Variants in ATP8A1 observed in about 807,000 individuals in gnomAD.
The protein encoded by ATP8A1 is phospholipid-transporting ATPase IA.
In ATP8A1, 90 loss-of-function variants were observed where a neutral mutation model predicts 177.7. That is an observed-to-expected ratio of 0.51 (90% confidence interval 0.43 to 0.60). ATP8A1 has a LOEUF of 0.60. Ranked by LOEUF, ATP8A1 falls within the 20% of genes least tolerant of loss-of-function variation. The probability of loss-of-function intolerance (pLI) is 0.00; values close to 1 mark genes in which losing one functional copy is unlikely to be tolerated. For synonymous variants in ATP8A1, 493 were observed against 485.9 expected (o/e 1.01, Z -0.19); for missense variants, 1,072 against 1,392.8 (o/e 0.77, Z 3.67).
chr4:42,477,043 G>A (rs1454748019), intron 25 of ATP8A1, among the ~76,000 whole-genome samples: 1 of 152,152 alleles, frequency 6.6e-6, no homozygotes, highest in Non-Finnish European at 1.5e-5. Context: ...ATATTTGTGT[G>A]TATATTTACT....
At chr4:42,453,739 C>T (rs1305744741) in intron 29 of ATP8A1, among the ~76,000 whole-genome samples, 1 of 152,238 alleles carries the variant, frequency 6.6e-6, no homozygotes, top group South Asian at 2.1e-4. Context: ...AGAGACAGTA[C>T]CATGGAGCCC....
intron 19 of ATP8A1, among the ~76,000 whole-genome samples, chr4:42,544,890 G>A (rs1454138528): frequency 2.0e-5 from 3 of 152,092 alleles, no homozygotes; most frequent in Admixed American, 6.5e-5. Context: ...GGCCTGGCAC[G>A]GTGGCTCATG....
chr4:42,585,410 CAT>C (rs1733516462), intron 9 of ATP8A1, among the ~76,000 whole-genome samples: 1 of 150,858 alleles, frequency 6.6e-6, no homozygotes, highest in Non-Finnish European at 1.5e-5. Flanking sequence ...CCAAAATTCA[CAT>C]GTTGAAACTG....
chr4:42,443,580 AG>A lies in ATP8A1; in HGVS notation c.3107del (p.Pro1036LeufsTer68). On this transcript the variant is annotated frameshift_variant, in exon 33 of 37. Transcript: ENST00000381668. LOFTEE classifies it high-confidence loss of function. ...SSLWPAIPMA[P>X]DMSGEAAMLF... ...CGCACATTACCTCTCCTGACATATC[AG>A]GGGCCATCGGAATGGCAGGCCACAG... 3 of 1,370,772 alleles carry A rather than the reference AG, an allele frequency of 2.2e-6. No homozygotes were observed. The highest frequency in any genetic ancestry group is 3.1e-6 in the Non-Finnish European group (3 of 957,714). 84.9% of individuals were successfully genotyped at this position (1,370,772 alleles called of 1,614,324 possible).
intron 1 of ATP8A1, among the ~76,000 whole-genome samples, chr4:42,649,285 T>TGAGAA (rs757947434): frequency 3.9e-5 from 6 of 152,258 alleles, no homozygotes; most frequent in Middle Eastern, 3.4e-3. Context: ...GCACTAAGGA[T>TGAGAA]ATAACTAGTG....
Position 42,549,189 on chromosome 4 carries a change from T to C in ATP8A1, c.1603-127A>G. The C allele has an allele frequency of 1.1e-5, 8 of 698,692 alleles. 1 individual carries two copies. The highest frequency in any genetic ancestry group is 1.7e-5 in the Non-Finnish European group (7 of 412,214). The allele number at this position is 698,692 out of a possible 1,614,324, so 43.3% of individuals were successfully genotyped here. On this transcript the variant is annotated intron_variant, in intron 18 of 36. Transcript: ENST00000381668. ...CAAACAAATTTTCCCTGCTGAAATA[T>C]GGAAGGGAGCTTACTAACTTTTACG...
At chr4:42,591,795 C>A (rs771188444) in intron 6 of ATP8A1, among the ~76,000 whole-genome samples, 1 of 152,026 alleles carries the variant, frequency 6.6e-6, no homozygotes, top group Non-Finnish European at 1.5e-5. Context: ...TTTCAAACTA[C>A]CTCACAGAAG....
intron 19 of ATP8A1, 122 bp from the exon 20 acceptor site, chr4:42,544,108 C>T (rs1728663915): frequency 1.3e-6 from 1 of 751,210 alleles, no homozygotes; most frequent in Non-Finnish European, 2.2e-6. Context: ...ATCATGAGCC[C>T]TAACCTTCCA....
intron 1 of ATP8A1, among the ~76,000 whole-genome samples, chr4:42,631,315 G>C (rs944806775): frequency 6.6e-6 from 1 of 152,194 alleles, no homozygotes; most frequent in East Asian, 1.9e-4. Flanking sequence ...GTAGACATAT[G>C]TTGCCCAAGC....
At chr4:42,521,808 CA>C (rs1331361202) in intron 22 of ATP8A1, among the ~76,000 whole-genome samples, 1 of 152,076 alleles carries the variant, frequency 6.6e-6, no homozygotes, top group Non-Finnish European at 1.5e-5. Context: ...GTTATTAACT[CA>C]AAGCACACAT....
intron 1 of ATP8A1, among the ~76,000 whole-genome samples, chr4:42,630,947 T>A (rs1213550587): frequency 6.6e-6 from 1 of 152,252 alleles, no homozygotes; most frequent in Admixed American, 6.5e-5. Context: ...GGAATATGTA[T>A]GCAATGTACT....
intron 1 of ATP8A1, among the ~76,000 whole-genome samples, chr4:42,635,412 G>C (rs1219514359): frequency 1.3e-5 from 2 of 151,970 alleles, no homozygotes; most frequent in East Asian, 3.9e-4. Flanking sequence ...TTCACTCAAT[G>C]GTTTCCAATA....
chr4:42,513,583 G>A (rs1444161324), intron 22 of ATP8A1, among the ~76,000 whole-genome samples: 2 of 152,182 alleles, frequency 1.3e-5, no homozygotes, highest in African/African-American at 4.8e-5. Context: ...AAAGACAGAT[G>A]TGTGAAAAGA....
chr4:42,635,485 C>T (rs1392279110), intron 1 of ATP8A1, among the ~76,000 whole-genome samples: 1 of 151,780 alleles, frequency 6.6e-6, no homozygotes, highest in Non-Finnish European at 1.5e-5. Context: ...GGTCATTAAA[C>T]AAGCAGTCAT....
At chr4:42,501,662 G>C (rs115981904) in intron 24 of ATP8A1, among the ~76,000 whole-genome samples, 35 of 152,288 alleles carry the variant, frequency 2.3e-4, no homozygotes, top group African/African-American at 8.2e-4. Context: ...AAAAAATAAT[G>C]ATTTACCTAC....
chr4:42,513,864 T>C (rs954629457), intron 22 of ATP8A1, among the ~76,000 whole-genome samples: 1 of 152,216 alleles, frequency 6.6e-6, no homozygotes, highest in Non-Finnish European at 1.5e-5. Context: ...AAGAGGCTAC[T>C]GCAGTCACCA....
chr4:42,635,882 G>A (rs1739286933), intron 1 of ATP8A1, among the ~76,000 whole-genome samples: 1 of 147,822 alleles, frequency 6.8e-6, no homozygotes, highest in Non-Finnish European at 1.5e-5. Flanking sequence ...AAAGCTTACA[G>A]AAAGGTTGAG....
At position 42,408,522 on chromosome 4, in the gene ATP8A1, A is replaced by C. The variant is rs1402144908; in HGVS notation, c.*4394T>G. 1 of 152,236 alleles carries C rather than the reference A, an allele frequency of 6.6e-6. No homozygotes were observed. The highest frequency in any genetic ancestry group is 1.5e-5 in the Non-Finnish European group (1 of 68,040). The allele number at this position is 152,236 out of a possible 1,614,324, so 9.4% of individuals were successfully genotyped here. ...ATATTACTCAATTTTAATAACTATAAAACACAGTGCATCAAACATCAAGAT... is the reference window on the plus strand; with the variant it reads ...ATATTACTCAATTTTAATAACTATACAACACAGTGCATCAAACATCAAGAT... On this transcript the variant is annotated 3_prime_UTR_variant, in exon 37 of 37. Transcript: ENST00000381668.
At chr4:42,609,382 C>G (rs1030855716) in intron 5 of ATP8A1, among the ~76,000 whole-genome samples, 1 of 152,172 alleles carries the variant, frequency 6.6e-6, no homozygotes, top group African/African-American at 2.4e-5. Flanking sequence ...AGCACAAAGA[C>G]CAGCAATACC....
Sources: allele counts gnomAD v4.1 joint callset (sites outside exome capture counted in the v4.1 genomes callset), GRCh38; gene constraint gnomAD v4.1.1; transcripts MANE v1.5; gene names NCBI Gene and HGNC (gene_info 2026-07-23, HGNC 2026-07-21).